MYBL2: variants seen among roughly 807,000 people sequenced by gnomAD.
MYBL2 encodes the protein MYB proto-oncogene like 2, also known as myb-related protein B.
A neutral mutation model predicts 79.9 loss-of-function variants in MYBL2; 28 were observed. The ratio of observed to expected loss-of-function variants is 0.35; its 90% CI spans 0.26 to 0.48. The LOEUF (loss-of-function observed/expected upper bound fraction) is 0.48, where lower values mean the gene tolerates loss of function less well. Ranked by LOEUF, MYBL2 falls within the 20% of genes least tolerant of loss-of-function variation. MYBL2 has a pLI of 0.99. For missense variants in MYBL2, 735 were observed against 893.9 expected (o/e 0.82, Z 2.27); for synonymous variants, 378 against 361.2 (o/e 1.05, Z -0.53).
chr20:43,698,528 C>T (rs895722033), intron 6 of MYBL2, among the ~76,000 whole-genome samples: 1 of 151,276 alleles, frequency 6.6e-6, no homozygotes, highest in Non-Finnish European at 1.5e-5. Context: ...CAGGCGCCTG[C>T]CACCACACCT....
intron 9 of MYBL2, among the ~76,000 whole-genome samples, chr20:43,707,072 C>T (rs1427263797): frequency 2.6e-5 from 4 of 151,246 alleles, no homozygotes; most frequent in African/African-American, 4.9e-5. Flanking sequence ...CCCAGCTACT[C>T]GGGAGGCTGA....
At chr20:43,713,729 A>T (rs1987965081) in intron 12 of MYBL2, among the ~76,000 whole-genome samples, 1 of 152,172 alleles carries the variant, frequency 6.6e-6, no homozygotes, top group South Asian at 2.1e-4. Context: ...TGGGCACATT[A>T]GTCCTGGGAT....
chr20:43,699,760 A>T lies in MYBL2; in HGVS notation c.667A>T (p.Ser223Cys). Residue 223 changes from serine (S) to cysteine (C), a missense_variant, in exon 7 of 14, where the codon AGT becomes TGT. This residue lies in a region of MYBL2 where 144 missense variants were observed against 131.9 expected (regional missense o/e 1.09). Coordinates refer to ENST00000217026, the MANE Select transcript of MYBL2 (RefSeq NM_002466.4). Reference sequence around the variant, plus strand: ...GGTGTATTCTTGTGTCTTACAGGGAAGTCTTCTGACCAACTGGCCCTCCGT... The same window carrying T: ...GGTGTATTCTTGTGTCTTACAGGGATGTCTTCTGACCAACTGGCCCTCCGT... ...QSAQPTEGQG[S>C]LLTNWPSVPP... The T allele has an allele frequency of 6.2e-7, 1 of 1,614,056 alleles. No individual in the cohort carries two copies. The highest frequency in any genetic ancestry group is 8.5e-7 in the Non-Finnish European group (1 of 1,179,998).
chr20:43,671,462 C>CCTTTT (rs1986853275), intron 1 of MYBL2, among the ~76,000 whole-genome samples: 2 of 128,592 alleles, frequency 1.6e-5, no homozygotes, highest in African/African-American at 3.3e-5. Flanking sequence ...GGCTGATTTC[C>CCTTTT]ATTTTTTTTT....
At chr20:43,681,759 G>A (rs1490017697) in intron 2 of MYBL2, 25 bp from the exon 3 acceptor site, 5 of 1,613,744 alleles carry the variant, frequency 3.1e-6, no homozygotes, top group Admixed American at 1.7e-5. Flanking sequence ...TGTGTGCTGA[G>A]CCCCTGTCTT....
At chr20:43,692,120 G>A (rs761658018) in intron 5 of MYBL2, 37 bp from the exon 6 acceptor site, 2 of 1,601,424 alleles carry the variant, frequency 1.2e-6, no homozygotes, top group Admixed American at 1.7e-5. Flanking sequence ...CCCACCCACA[G>A]AGCTGGGGTT....
At chr20:43,708,115 C>A (rs369526111) in intron 9 of MYBL2, among the ~76,000 whole-genome samples, 7 of 152,248 alleles carry the variant, frequency 4.6e-5, no homozygotes, top group African/African-American at 1.4e-4. Flanking sequence ...CCTGAGTTTT[C>A]TTTTTGAGAC....
intron 6 of MYBL2, among the ~76,000 whole-genome samples, chr20:43,698,589 G>A (rs1015345184): frequency 4.6e-5 from 7 of 151,112 alleles, no homozygotes; most frequent in African/African-American, 1.7e-4. Flanking sequence ...GTGTTAGCCA[G>A]GATGGTCTCG....
chr20:43,680,151 C>T (rs922484029), intron 2 of MYBL2, among the ~76,000 whole-genome samples: 2 of 152,146 alleles, frequency 1.3e-5, no homozygotes, highest in Non-Finnish European at 2.9e-5. Flanking sequence ...CTGCTGCAGC[C>T]TCCCGAGTAG....
intron 5 of MYBL2, among the ~76,000 whole-genome samples, chr20:43,688,999 A>T (rs993040426): frequency 1.3e-5 from 2 of 152,144 alleles, no homozygotes; most frequent in East Asian, 3.9e-4. Flanking sequence ...CATCTTGGCC[A>T]GGCTAGTCTT....
chr20:43,706,925 AGG>A (rs1568876583), intron 9 of MYBL2, among the ~76,000 whole-genome samples: 1 of 151,272 alleles, frequency 6.6e-6, no homozygotes, highest in African/African-American at 2.4e-5. Context: ...CGTGTTGGTC[AGG>A]CTGGTCTCAA....
chr20:43,675,254 A>G (rs1986976155), intron 2 of MYBL2, among the ~76,000 whole-genome samples: 2 of 151,908 alleles, frequency 1.3e-5, no homozygotes, highest in Non-Finnish European at 1.5e-5. Flanking sequence ...TGCTAGGATT[A>G]TAGGTATGAG....
chr20:43,714,954 G>A (rs1987993829), intron 12 of MYBL2, among the ~76,000 whole-genome samples, 180 bp from the exon 13 acceptor site: 2 of 152,212 alleles, frequency 1.3e-5, no homozygotes, highest in Admixed American at 6.5e-5. Context: ...TAAGTATAAA[G>A]TAAGCTTAAG....
intron 4 of MYBL2, among the ~76,000 whole-genome samples, chr20:43,684,260 CTG>C (rs1987215423): frequency 6.7e-6 from 1 of 149,646 alleles, no homozygotes; most frequent in Admixed American, 6.7e-5. Context: ...TTTTTTGAGA[CTG>C]AGTCTTGCTC....
At chr20:43,681,505 G>A (rs1404275332) in intron 2 of MYBL2, among the ~76,000 whole-genome samples, 1 of 152,190 alleles carries the variant, frequency 6.6e-6, no homozygotes, top group Non-Finnish European at 1.5e-5. Flanking sequence ...GTGTCCCTGA[G>A]TAGGCAGTCA....
rs143465346 is a variant in MYBL2 at position 43,683,646 on chromosome 20, C to T, written c.279+760C>T. Among the ~76,000 whole-genome samples, 1,223 of 151,276 alleles carry T rather than the reference C, an allele frequency of 8.1e-3. 9 individuals are homozygous for T. Among genetic ancestry groups the T allele is most frequent in the Middle Eastern group, 0.021 (6 of 292 alleles). On this transcript the variant is annotated intron_variant, in intron 4 of 13. Transcript: ENST00000217026. ...TCAGCTCACTGCATCCTCCGCCTCC[C>T]GGGTTCAAGCGATTCTCGTGTCTTA...
At chr20:43,673,025 C>G (rs1429457131) in intron 1 of MYBL2, among the ~76,000 whole-genome samples, 5 of 152,020 alleles carry the variant, frequency 3.3e-5, no homozygotes, top group Admixed American at 6.6e-5. Flanking sequence ...CTCATTGCAA[C>G]CTTCACCTCC....
chr20:43,703,745 G>A (rs1245333998), intron 8 of MYBL2, among the ~76,000 whole-genome samples: 2 of 152,096 alleles, frequency 1.3e-5, no homozygotes, highest in Non-Finnish European at 2.9e-5. Flanking sequence ...CTGTCATCAC[G>A]GGTCAGGATG....
chr20:43,682,948 T>A, intron 4 of MYBL2, 62 bp downstream of exon 4: 1 of 1,493,116 alleles, frequency 6.7e-7, no homozygotes, highest in Non-Finnish European at 9.3e-7. Flanking sequence ...ACCTGGGGAC[T>A]GTGAGATTGC....
Sources: allele counts gnomAD v4.1 joint callset (sites outside exome capture counted in the v4.1 genomes callset), GRCh38; gene constraint gnomAD v4.1.1; regional missense constraint gnomAD v4.1.1; transcripts MANE v1.5; gene names NCBI Gene and HGNC (gene_info 2026-07-23, HGNC 2026-07-21).